The following PAMR1 variants were observed in gnomAD, a reference collection of about 807,000 sequenced individuals.
PAMR1 encodes peptidase domain containing associated with muscle regeneration 1.
PAMR1 carries 88 observed loss-of-function variants against 81.8 expected under a neutral mutation model. The observed-to-expected ratio is 1.08, with a 90% CI of 0.91 to 1.28. The LOEUF (loss-of-function observed/expected upper bound fraction) is 1.28, where lower values mean the gene tolerates loss of function less well. PAMR1 is among the 50% of genes most tolerant of loss of function. PAMR1 has a pLI of 0.00. For synonymous variants in PAMR1, 336 were observed against 345.3 expected (o/e 0.97, Z 0.30); for missense variants, 935 against 919.7 (o/e 1.02, Z -0.21).
chr11:35,436,056 G>A lies in PAMR1; in HGVS notation c.1180C>T (p.Leu394Phe), dbSNP rs1282708312. The change falls in exon 9 of 11, where the codon CTT (leucine) becomes TTT (phenylalanine). Residue 394 changes from leucine to phenylalanine, a missense_variant. Physicochemically the swap from Leu to Phe is conservative, Grantham distance 22. Transcript: ENST00000619888. ...CCCATGGGCAGATCTCCAAAGGGAA[G>A]GGCTGGCTTCTTGGTAGGGGCACTC... ...LQSAPTKKPA[L>F]PFGDLPMGYQ... 19 of 1,614,150 alleles carry A rather than the reference G, an allele frequency of 1.2e-5. No homozygotes were observed. The highest frequency in any genetic ancestry group is 1.5e-5 in the Non-Finnish European group (18 of 1,180,020).
At chr11:35,433,004 A>G in intron 10 of PAMR1, 112 bp from the exon 11 acceptor site, 1 of 867,228 alleles carries the variant, frequency 1.2e-6, no homozygotes, top group Non-Finnish European at 1.7e-6. Context: ...AGGCAGCTAC[A>G]ATTATTTGGA....
At chr11:35,491,564 C>T (rs1850626461) in intron 3 of PAMR1, among the ~76,000 whole-genome samples, 1 of 152,154 alleles carries the variant, frequency 6.6e-6, no homozygotes. Context: ...CTAATAAAAA[C>T]TAAGTAATTC....
At chr11:35,444,856 G>GT (rs1856257442) in intron 6 of PAMR1, among the ~76,000 whole-genome samples, 1 of 152,138 alleles carries the variant, frequency 6.6e-6, no homozygotes. Context: ...TTTTAAAATA[G>GT]TTTTTTCTAA....
chr11:35,434,846 T>C, intron 9 of PAMR1, 42 bp from the exon 10 acceptor site: 1 of 1,585,462 alleles, frequency 6.3e-7, no homozygotes, highest in South Asian at 1.1e-5. Context: ...ACTCAGACTT[T>C]GCCATCCAAA....
intron 6 of PAMR1, among the ~76,000 whole-genome samples, chr11:35,461,932 G>A (rs1856663609): frequency 1.3e-5 from 2 of 152,096 alleles, no homozygotes; most frequent in Non-Finnish European, 2.9e-5. Flanking sequence ...GTTCTCCATG[G>A]AATTAGCCCT....
intron 3 of PAMR1, among the ~76,000 whole-genome samples, chr11:35,484,664 C>G (rs1850465371): frequency 6.6e-6 from 1 of 152,204 alleles, no homozygotes. Flanking sequence ...CAAAATATGA[C>G]TAAGAAGATA....
At chr11:35,518,957 A>G (rs1851220250) in intron 1 of PAMR1, among the ~76,000 whole-genome samples, 1 of 152,164 alleles carries the variant, frequency 6.6e-6, no homozygotes, top group Non-Finnish European at 1.5e-5. Context: ...CCAAACATCA[A>G]GTCAACTGAC....
chr11:35,505,336 T>C (rs1435152778), intron 1 of PAMR1, among the ~76,000 whole-genome samples: 1 of 152,156 alleles, frequency 6.6e-6, no homozygotes, highest in Non-Finnish European at 1.5e-5. Context: ...TGAAATCTAC[T>C]GGGTAAATGT....
rs1328740480 is a variant in PAMR1 at position 35,468,032 on chromosome 11, C to T, written c.789G>A (p.Leu263=). Residue 263 remains leucine (L), a synonymous_variant, in exon 6 of 11, where the codon TTG becomes TTA. Transcript: ENST00000619888. The stretch of plus-strand genomic sequence containing the variant: ...CACAGCGCTGCCCAGTATAGCCTGC[C>T]AAGCAGGCACACTTGTAAGATCCAG... ...DKAGSYKCAC[L]AGYTGQRCEN... The T allele has an allele frequency of 3.8e-6, 6 of 1,561,570 alleles. No homozygotes were observed. In the Admixed American group the frequency reaches 1.1e-4, roughly 30 times the overall value.
chr11:35,476,161 G>T (rs1850279513), intron 3 of PAMR1, among the ~76,000 whole-genome samples: 2 of 152,070 alleles, frequency 1.3e-5, no homozygotes, highest in African/African-American at 4.8e-5. Context: ...GATCTTTATT[G>T]CTGCTGCCCT....
At chr11:35,502,425 A>G (rs658649) in intron 1 of PAMR1, among the ~76,000 whole-genome samples, 50,010 of 151,502 alleles carry the variant, frequency 0.33, 8,395 homozygotes, top group African/African-American at 0.41. Context: ...ACCTTCCTCT[A>G]ACAGGCCCCA....
At chr11:35,446,464 G>T (rs756396713) in intron 6 of PAMR1, among the ~76,000 whole-genome samples, 1 of 152,154 alleles carries the variant, frequency 6.6e-6, no homozygotes, top group Non-Finnish European at 1.5e-5. Flanking sequence ...GATTTTTGAT[G>T]TGGGCATTTA....
Position 35,432,091 on chromosome 11 carries a change from G to A in PAMR1, c.*265C>T, listed in dbSNP as rs1855917750. 2.1e-6 allele frequency: 1 copy of A among 465,580 alleles called. No individual in the cohort carries two copies. 28.8% of individuals were successfully genotyped at this position (465,580 alleles called of 1,614,324 possible). ...ACCACCAGGTCAGTGGAGTGGAGAGGTTTTGTATATGGTCTTCTTTGAAGA... is the reference window on the plus strand; with the variant it reads ...ACCACCAGGTCAGTGGAGTGGAGAGATTTTGTATATGGTCTTCTTTGAAGA... On this transcript the variant is annotated 3_prime_UTR_variant, in exon 11 of 11. Transcript: ENST00000619888.
At position 35,512,753 on chromosome 11, in the gene PAMR1, G is replaced by A. The variant is rs571569512; in HGVS notation, c.73+12760C>T. Among the ~76,000 whole-genome samples the A allele has an allele frequency of 4.6e-5, 7 of 152,312 alleles. No homozygotes were observed. In the South Asian group the frequency reaches 8.3e-4, roughly 18 times the overall value. ...CATGCATGTAACTCTAGCATTTTGGGAGGCTGAAGCTGGAGGATCTCTTGA... is the reference window on the plus strand; with the variant it reads ...CATGCATGTAACTCTAGCATTTTGGAAGGCTGAAGCTGGAGGATCTCTTGA... On this transcript the variant is annotated intron_variant, in intron 1 of 10. Coordinates refer to ENST00000619888, the MANE Select transcript of PAMR1 (RefSeq NM_001001991.3).
intron 1 of PAMR1, among the ~76,000 whole-genome samples, chr11:35,514,456 G>GC (rs1851128206): frequency 6.6e-6 from 1 of 151,878 alleles, no homozygotes; most frequent in Admixed American, 6.6e-5. Context: ...CATTTATCTT[G>GC]CCCCCTGCTG....
chr11:35,448,912 T>C (rs936211606), intron 6 of PAMR1, among the ~76,000 whole-genome samples: 2 of 152,196 alleles, frequency 1.3e-5, no homozygotes, highest in Non-Finnish European at 2.9e-5. Context: ...TGCCGTTTGC[T>C]GGAGGTCCAC....
At chr11:35,458,069 A>C (rs904063250) in intron 6 of PAMR1, among the ~76,000 whole-genome samples, 2 of 152,178 alleles carry the variant, frequency 1.3e-5, no homozygotes, top group Non-Finnish European at 2.9e-5. Context: ...GGTAAACATA[A>C]TCAAGTCCAG....
At chr11:35,516,772 A>C (rs972543842) in intron 1 of PAMR1, among the ~76,000 whole-genome samples, 3 of 152,262 alleles carry the variant, frequency 2.0e-5, no homozygotes, top group African/African-American at 7.2e-5. Flanking sequence ...CAGAACTGAC[A>C]AACACAAGAG....
At chr11:35,493,078 C>T (rs1266044283) in intron 2 of PAMR1, among the ~76,000 whole-genome samples, 1 of 152,152 alleles carries the variant, frequency 6.6e-6, no homozygotes, top group African/African-American at 2.4e-5. Context: ...CTTCCCTTCC[C>T]TCTCCTATCC....
Sources: gnomAD v4.1 joint callset for allele counts (sites outside exome capture counted in the v4.1 genomes callset) on GRCh38, gnomAD v4.1.1 for gene constraint, MANE v1.5 for transcripts, NCBI Gene and HGNC (gene_info 2026-07-23, HGNC 2026-07-21) for gene names.